The following NR2F2 variants were observed in gnomAD, a reference collection of about 807,000 sequenced individuals.
NR2F2 encodes nuclear receptor subfamily 2 group F member 2.
In NR2F2, 2 loss-of-function variants were observed where a neutral mutation model predicts 34.8. The observed-to-expected ratio is 0.06, with a 90% confidence interval of 0.02 to 0.18. The LOEUF (loss-of-function observed/expected upper bound fraction) is 0.18. Ranked by LOEUF, NR2F2 falls within the 10% of genes least tolerant of loss-of-function variation. The pLI, the probability that NR2F2 is intolerant of heterozygous loss-of-function variation, is 1.00. For missense variants in NR2F2, 300 were observed against 580.1 expected (o/e 0.52, Z 4.96); for synonymous variants, 274 against 251.8 (o/e 1.09, Z -0.84).
chr15:96,334,624 C>G, intron 2 of NR2F2, 21 bp downstream of exon 2: 3 of 1,566,590 alleles, frequency 1.9e-6, no homozygotes, highest in Non-Finnish European at 2.6e-6. Context: ...GCCCTGTCTT[C>G]TCGTGCCCAC....
In NR2F2 at chr15:96,331,571, CTCT is replaced by C; in HGVS notation, c.-532_-530del. ...CTACCTCCTCCTTCACCACCACCTC[CTCT>C]TCCTCCTCCTCCTCCTCCTCCTCCT... is the stretch of plus-strand genomic sequence containing the variant. On this transcript the variant is annotated 5_prime_UTR_variant, in exon 1 of 3. Transcript: ENST00000394166. The C allele has an allele frequency of 1.6e-6, 2 of 1,219,156 alleles. No individual in the cohort carries two copies. Among genetic ancestry groups the C allele is most frequent in the Non-Finnish European group, 2.0e-6 (2 of 981,248 alleles). The allele number at this position is 1,219,156 out of a possible 1,614,324, so 75.5% of individuals were successfully genotyped here.
At chr15:96,337,290 C>CTTT (rs2141171960) in intron 2 of NR2F2, 58 bp from the exon 3 acceptor site, 1 of 1,570,628 alleles carries the variant, frequency 6.4e-7, no homozygotes, top group Non-Finnish European at 8.7e-7. Context: ...AATTCTTCTT[C>CTTT]TTCTTCTTCT....
chr15:96,334,485 G>A lies in NR2F2; in HGVS notation c.852G>A (p.Arg284=), dbSNP rs929257505. Residue 284 remains arginine, a synonymous_variant, in exon 2 of 3, where the codon CGG becomes CGA. Coordinates refer to ENST00000394166, the MANE Select transcript of NR2F2 (RefSeq NM_021005.4). The part of the protein sequence containing the change: ...GLHASPMSAD[R]VVAFMDHIRI... ...ATGCTTCGCCCATGTCCGCCGACCG[G>A]GTGGTCGCCTTTATGGACCACATAC... is the stretch of plus-strand genomic sequence containing the variant. 4 of 1,613,892 alleles carry A rather than the reference G, an allele frequency of 2.5e-6. No individual in the cohort carries two copies. The highest frequency in any genetic ancestry group is 3.4e-6 in the Non-Finnish European group (4 of 1,180,026).
Position 96,331,924 on chromosome 15 carries a change from G to C in NR2F2, c.-182G>C. ...ACTTTGCAAAAGCAAAAACAAAAAA[G>C]GAAAAACTAACCAACCTCAACCAAC... On this transcript the variant is annotated 5_prime_UTR_variant, in exon 1 of 3. Coordinates refer to ENST00000394166, the MANE Select transcript of NR2F2 (RefSeq NM_021005.4). The C allele has an allele frequency of 8.3e-7, 1 of 1,208,356 alleles. No individual in the cohort carries two copies. The highest frequency in any genetic ancestry group is 1.0e-6 in the Non-Finnish European group (1 of 973,474). 74.9% of individuals were successfully genotyped at this position (1,208,356 alleles called of 1,614,324 possible).
chr15:96,326,468 A>G, upstream of NR2F2: 1 of 850,530 alleles, frequency 1.2e-6, no homozygotes, highest in Non-Finnish European at 1.9e-6. The surrounding 1 kb of genome is among the most constrained non-coding windows in gnomAD (Gnocchi z 5.5). Flanking sequence ...GCTAACGTGT[A>G]TGAAATGCCG....
Position 96,331,045 on chromosome 15 carries a change from C to G in NR2F2, c.-1061C>G. 1 of 1,238,766 alleles carries G rather than the reference C, an allele frequency of 8.1e-7. No individual in the cohort carries two copies. The highest frequency in any genetic ancestry group is 1.0e-6 in the Non-Finnish European group (1 of 994,830). 76.7% of individuals were successfully genotyped at this position (1,238,766 alleles called of 1,614,324 possible). A position where few individuals can be genotyped will look rare whatever the true frequency, so the allele number is the denominator to read the frequency against. On this transcript the variant is annotated 5_prime_UTR_variant, in exon 1 of 3. Transcript: ENST00000394166. The stretch of plus-strand genomic sequence containing the variant: ...TGACTCTTTCCCTATGTGTGTGAGG[C>G]GGCGGCGGCAGCAGCAGCAGCAGCG...
Position 96,331,589 on chromosome 15 carries a change from C to T in NR2F2, c.-517C>T, listed in dbSNP as rs535198322. ...CCACCTCCTCTTCCTCCTCCTCCTC[C>T]TCCTCCTCCTCCGCCAACTCCTCGG... On this transcript the variant is annotated 5_prime_UTR_variant, in exon 1 of 3. Coordinates refer to ENST00000394166, the MANE Select transcript of NR2F2 (RefSeq NM_021005.4). The T allele has an allele frequency of 9.3e-5, 114 of 1,220,544 alleles. 2 individuals carry two copies. The South Asian group carries it at 3.4e-3, about 36-fold the overall frequency. 75.6% of individuals were successfully genotyped at this position (1,220,544 alleles called of 1,614,324 possible). A position where few individuals can be genotyped will look rare whatever the true frequency, so the allele number is the denominator to read the frequency against.
rs1899456583 is a variant in NR2F2, at chr15:96,339,995, T to C, written c.*2373T>C. On this transcript the variant is annotated 3_prime_UTR_variant, in exon 3 of 3. Coordinates refer to ENST00000394166, the MANE Select transcript of NR2F2 (RefSeq NM_021005.4). ...TTGTGCAGAGTTCTCCATCTGACTCTCACTTATTTCTGTAGATATATACAT... is the reference window on the plus strand; with the variant it reads ...TTGTGCAGAGTTCTCCATCTGACTCCCACTTATTTCTGTAGATATATACAT... 1.3e-5 allele frequency: 2 copies of C among 152,248 alleles called. No homozygotes were observed. The highest frequency in any genetic ancestry group is 6.5e-5 in the Admixed American group (1 of 15,288). The allele number at this position is 152,248 out of a possible 1,614,324, so 9.4% of individuals were successfully genotyped here.
At position 96,338,748 on chromosome 15, in the gene NR2F2, C is replaced by CT. The variant is rs1396875702; in HGVS notation, c.*1129dup. ...TAATAACTGAACTGTTTGGTCGAGT[C>CT]TTTGTGTGTTATATTCCAAGGAAAA... is the stretch of plus-strand genomic sequence containing the variant. On this transcript the variant is annotated 3_prime_UTR_variant, in exon 3 of 3. Transcript: ENST00000394166. 6.6e-6 allele frequency: 1 copy of CT among 152,112 alleles called. No individual in the cohort carries two copies. The allele number at this position is 152,112 out of a possible 1,614,324, so 9.4% of individuals were successfully genotyped here. A position where few individuals can be genotyped will look rare whatever the true frequency, so the allele number is the denominator to read the frequency against.
chr15:96,330,834 TTTC>T lies in NR2F2; in HGVS notation c.-1264_-1262del, dbSNP rs568823665. The T allele has an allele frequency of 6.3e-4, 729 of 1,151,328 alleles. No homozygotes were observed. The highest frequency in any genetic ancestry group is 7.9e-4 in the South Asian group (18 of 22,714). 71.3% of individuals were successfully genotyped at this position (1,151,328 alleles called of 1,614,324 possible). On this transcript the variant is annotated 5_prime_UTR_variant, in exon 1 of 3. Coordinates refer to ENST00000394166, the MANE Select transcript of NR2F2 (RefSeq NM_021005.4). ...TGTGTGTGCGTGCGCGCGTGTGTGT[TTTC>T]TTCTTCTCCTCCTCCTCTCCCCGAG... is the stretch of plus-strand genomic sequence containing the variant.
At chr15:96,334,692 G>T in intron 2 of NR2F2, 89 bp downstream of exon 2, 1 of 1,437,066 alleles carries the variant, frequency 7.0e-7, no homozygotes, top group South Asian at 1.4e-5. Context: ...GGCAAACCCA[G>T]TCTGCTCCTT....
chr15:96,333,471 CCT>C, intron 1 of NR2F2: 3 of 1,003,218 alleles, frequency 3.0e-6, no homozygotes, highest in Non-Finnish European at 2.4e-6. Flanking sequence ...CTTTAGCCGG[CCT>C]CTCTCTCTCC....
intron 2 of NR2F2, among the ~76,000 whole-genome samples, chr15:96,336,181 A>G (rs1292185959): frequency 6.6e-6 from 1 of 152,090 alleles, no homozygotes; most frequent in Non-Finnish European, 1.5e-5. Flanking sequence ...TACTGTCGTT[A>G]ACAGTTTAAT....
upstream of NR2F2, among the ~76,000 whole-genome samples, chr15:96,329,517 T>C (rs1421732509): frequency 6.6e-6 from 1 of 152,208 alleles, no homozygotes; most frequent in East Asian, 1.9e-4. Context: ...GGGTGCGTTT[T>C]AATGACTATA....
upstream of NR2F2, among the ~76,000 whole-genome samples, chr15:96,326,751 T>A (rs940645563): frequency 6.6e-6 from 1 of 152,136 alleles, no homozygotes; most frequent in Admixed American, 6.5e-5. This position sits in a 1 kb window ranked among gnomAD's most constrained non-coding sequence, Gnocchi z 5.5. Context: ...TGACTCGGTT[T>A]TCTAGCAAAG....
chr15:96,332,044 C>A lies in NR2F2; in HGVS notation c.-62C>A, dbSNP rs1278607452. 2 of 1,251,600 alleles carry A rather than the reference C, an allele frequency of 1.6e-6. No individual in the cohort carries two copies. The highest frequency in any genetic ancestry group is 2.0e-6 in the Non-Finnish European group (2 of 997,628). 77.5% of individuals were successfully genotyped at this position (1,251,600 alleles called of 1,614,324 possible). A position where few individuals can be genotyped will look rare whatever the true frequency, so the allele number is the denominator to read the frequency against. ...CCGGAGCCCGAGACCCGGGGAGCCG[C>A]CGCCGCCCCGCCGCCGCCCGCAGCC... On this transcript the variant is annotated 5_prime_UTR_variant, in exon 1 of 3. Transcript: ENST00000394166.
chr15:96,334,064 T>C lies in NR2F2; in HGVS notation c.443-12T>C. The C allele has an allele frequency of 6.2e-7, 1 of 1,608,556 alleles. No homozygotes were observed. Among genetic ancestry groups the C allele is most frequent in the Non-Finnish European group, 8.5e-7 (1 of 1,177,448 alleles). ...GTCATTAACTGTGGAGTGTCTCCTT[T>C]CCTCCCCGCAGCGGTGCAGAGGGGC... On this transcript the variant is annotated splice_polypyrimidine_tract_variant and intron_variant, in intron 1 of 2. Coordinates refer to ENST00000394166, the MANE Select transcript of NR2F2 (RefSeq NM_021005.4).
chr15:96,329,874 A>G (rs1899083657), upstream of NR2F2, among the ~76,000 whole-genome samples: 1 of 152,104 alleles, frequency 6.6e-6, no homozygotes, highest in African/African-American at 2.4e-5. Context: ...TCAGCATCCG[A>G]GATGCTTTAT....
chr15:96,329,473 A>G (rs1486374932), upstream of NR2F2, among the ~76,000 whole-genome samples: 1 of 152,198 alleles, frequency 6.6e-6, no homozygotes, highest in African/African-American at 2.4e-5. Flanking sequence ...TGTGACCTGT[A>G]CTAGTATTAT....
Sources: gnomAD v4.1 joint callset for allele counts (sites outside exome capture counted in the v4.1 genomes callset) on GRCh38, gnomAD v4.1.1 for gene constraint, Gnocchi (gnomAD v3.1) non-coding constraint, MANE v1.5 for transcripts, NCBI Gene and HGNC (gene_info 2026-07-23, HGNC 2026-07-21) for gene names.